The following PTPRR variants were observed in gnomAD, a reference collection of about 807,000 sequenced individuals.
PTPRR encodes receptor-type tyrosine-protein phosphatase R.
A neutral mutation model predicts 77.2 loss-of-function variants in PTPRR; 38 were observed. The observed-to-expected ratio is 0.49, with a 90% CI of 0.38 to 0.65. The LOEUF (loss-of-function observed/expected upper bound fraction) is 0.65. Among genes scored for constraint, PTPRR ranks in the 30% least tolerant of loss-of-function variants. The pLI is 0.00. For synonymous variants in PTPRR, 299 were observed against 283.1 expected, an observed-to-expected ratio of 1.06 and a Z score of -0.57; for missense variants, 744 against 799.2, an observed-to-expected ratio of 0.93 and a Z score of 0.83.
intron 2 of PTPRR, among the ~76,000 whole-genome samples, chr12:70,780,510 C>T (rs1211807811): frequency 6.6e-6 from 1 of 151,842 alleles, no homozygotes; most frequent in Non-Finnish European, 1.5e-5. Flanking sequence ...AATCATGTAT[C>T]CCATCACGCT....
At position 70,761,512 on chromosome 12, in the gene PTPRR, G is replaced by C; in HGVS notation, c.586C>G (p.Gln196Glu). ...LRSLNINVLH[Q>E]SLSQFGITEV... Reference sequence around the variant, plus strand: ...GTAATTCCAAACTGGGATAAACTTTGATGCAAAACATTGATATTAAGTGAA... The same window carrying C: ...GTAATTCCAAACTGGGATAAACTTTCATGCAAAACATTGATATTAAGTGAA... The change falls in exon 4 of 14, where the codon CAA (glutamine) becomes GAA (glutamate). Residue 196 changes from glutamine to glutamate, a missense_variant. Around this residue, in one of 3 missense-constraint regions of PTPRR, gnomAD observed 570 missense variants for 573.2 expected, o/e 0.99. Coordinates refer to ENST00000283228, the MANE Select transcript of PTPRR (RefSeq NM_002849.4). 1.2e-6 allele frequency: 2 copies of C among 1,610,412 alleles called. No individual in the cohort carries two copies. Among genetic ancestry groups the C allele is most frequent in the Non-Finnish European group, 1.7e-6 (2 of 1,178,590 alleles).
intron 2 of PTPRR, among the ~76,000 whole-genome samples, chr12:70,814,081 C>G (rs1433156146): frequency 1.3e-5 from 2 of 152,134 alleles, no homozygotes; most frequent in Non-Finnish European, 2.9e-5. Context: ...AGATCAGTGT[C>G]CATAAATTTT....
At chr12:70,849,120 A>G (rs1172861889) in intron 2 of PTPRR, among the ~76,000 whole-genome samples, 2 of 152,236 alleles carry the variant, frequency 1.3e-5, no homozygotes, top group African/African-American at 4.8e-5. Flanking sequence ...AGATGTAGGT[A>G]GAATTTATTA....
At chr12:70,646,649 C>T (rs1288908974) in intron 13 of PTPRR, among the ~76,000 whole-genome samples, 1 of 152,070 alleles carries the variant, frequency 6.6e-6, no homozygotes, top group East Asian at 1.9e-4. Context: ...AAATCCACAC[C>T]AATTTCTAGG....
intron 7 of PTPRR, 132 bp from the exon 8 acceptor site, chr12:70,698,481 T>G: frequency 1.5e-6 from 1 of 656,034 alleles, no homozygotes; most frequent in Non-Finnish European, 2.6e-6. Flanking sequence ...GCACCTCTGG[T>G]GGACCAACAC....
chr12:70,828,314 T>C (rs1454609709), intron 2 of PTPRR, among the ~76,000 whole-genome samples: 1 of 152,216 alleles, frequency 6.6e-6, no homozygotes, highest in Admixed American at 6.5e-5. Context: ...TTCTCACTTG[T>C]CGTTTTGGTT....
chr12:70,702,846 C>G (rs1217639791), intron 6 of PTPRR, among the ~76,000 whole-genome samples: 3 of 151,854 alleles, frequency 2.0e-5, no homozygotes, highest in Admixed American at 1.3e-4. Flanking sequence ...GTTGAAACTA[C>G]TTGATTTTTT....
At chr12:70,659,461 G>C (rs1010625657) in intron 12 of PTPRR, among the ~76,000 whole-genome samples, 3 of 152,158 alleles carry the variant, frequency 2.0e-5, no homozygotes, top group African/African-American at 7.2e-5. Context: ...AGGAGGACCA[G>C]AGATAACTGT....
intron 2 of PTPRR, 115 bp downstream of exon 2, chr12:70,892,564 C>T: frequency 8.2e-7 from 1 of 1,219,406 alleles, no homozygotes; most frequent in Non-Finnish European, 1.2e-6. Flanking sequence ...TGCTGTGGTA[C>T]ATACCCGTTG....
Position 70,829,419 on chromosome 12 carries a change from AT to A in PTPRR, c.357+63259del, listed in dbSNP as rs371802551. On this transcript the variant is annotated intron_variant, in intron 2 of 13. Transcript: ENST00000283228. Reference sequence around the variant, plus strand: ...CTAGGCTGGGAAAGATGCTCAGGCTATTGCAAACCACTGTGTGAGATGATGA... The same window carrying A: ...CTAGGCTGGGAAAGATGCTCAGGCTATGCAAACCACTGTGTGAGATGATGA... Among the ~76,000 whole-genome samples, 516 of 152,242 alleles carry A rather than the reference AT, an allele frequency of 3.4e-3. 2 individuals are homozygous for A. Among genetic ancestry groups the A allele is most frequent in the Non-Finnish European group, 4.3e-3 (290 of 68,002 alleles).
At chr12:70,782,517 G>T (rs1044285309) in intron 2 of PTPRR, among the ~76,000 whole-genome samples, 2 of 151,916 alleles carry the variant, frequency 1.3e-5, no homozygotes, top group African/African-American at 2.4e-5. Flanking sequence ...CCATAAAAAA[G>T]GATGAGTTCA....
At chr12:70,679,859 C>A (rs1887592075) in intron 10 of PTPRR, among the ~76,000 whole-genome samples, 1 of 152,008 alleles carries the variant, frequency 6.6e-6, no homozygotes, top group African/African-American at 2.4e-5. Context: ...CACTCTATAT[C>A]TTTTAATTGG....
chr12:70,661,380 T>C (rs1336332582), intron 11 of PTPRR, among the ~76,000 whole-genome samples: 1 of 152,084 alleles, frequency 6.6e-6, no homozygotes, highest in East Asian at 1.9e-4. Context: ...AATATATATT[T>C]ATAATTTATT....
intron 2 of PTPRR, among the ~76,000 whole-genome samples, chr12:70,766,383 C>T (rs1339210288): frequency 6.6e-6 from 1 of 152,096 alleles, no homozygotes; most frequent in African/African-American, 2.4e-5. Context: ...GCCTCAGGAG[C>T]TGATGCAATC....
intron 1 of PTPRR, among the ~76,000 whole-genome samples, chr12:70,916,475 A>G (rs943097658): frequency 1.3e-5 from 2 of 152,170 alleles, no homozygotes; most frequent in Admixed American, 1.3e-4. Flanking sequence ...TTAAAATCTT[A>G]AAATATATCA....
chr12:70,731,962 C>T (rs747362728), intron 6 of PTPRR, among the ~76,000 whole-genome samples: 2 of 152,188 alleles, frequency 1.3e-5, no homozygotes, highest in South Asian at 2.1e-4. Flanking sequence ...TTCTATGTAT[C>T]GGATGGGAGA....
At chr12:70,796,309 T>C (rs956479097) in intron 2 of PTPRR, among the ~76,000 whole-genome samples, 9 of 152,104 alleles carry the variant, frequency 5.9e-5, no homozygotes, top group African/African-American at 2.2e-4. Flanking sequence ...GTGAGTAAAA[T>C]GAGTTTATGT....
At chr12:70,888,242 T>C (rs1423473384) in intron 2 of PTPRR, among the ~76,000 whole-genome samples, 1 of 152,184 alleles carries the variant, frequency 6.6e-6, no homozygotes. Flanking sequence ...GTTCTTAGCA[T>C]ACTATCAATG....
At chr12:70,872,509 CATG>C (rs1271628460) in intron 2 of PTPRR, among the ~76,000 whole-genome samples, 1 of 151,680 alleles carries the variant, frequency 6.6e-6, no homozygotes, top group African/African-American at 2.4e-5. Flanking sequence ...TCCTGGCTAA[CATG>C]ATGAAACCCC....
Sources: gnomAD v4.1 joint callset for allele counts (sites outside exome capture counted in the v4.1 genomes callset) on GRCh38, gnomAD v4.1.1 for gene constraint, gnomAD v4.1.1 regional missense constraint, MANE v1.5 for transcripts, NCBI Gene and HGNC (gene_info 2026-07-23, HGNC 2026-07-21) for gene names.